The following VRK2 variants were observed in gnomAD, a reference collection of about 807,000 sequenced individuals.
The protein encoded by VRK2 is VRK serine/threonine kinase 2.
Under a neutral mutation model 57.6 loss-of-function variants are expected in VRK2, and 60 were observed. The ratio of observed to expected loss-of-function variants is 1.04; its 90% CI spans 0.85 to 1.29. VRK2 has a LOEUF of 1.29. Ranked by LOEUF, VRK2 falls within the 50% of genes most tolerant of loss-of-function variation. The pLI is 0.00. For missense variants in VRK2, 705 were observed against 588.1 expected, an observed-to-expected ratio of 1.20 and a Z score of -2.06; for synonymous variants, 231 against 199.2, an observed-to-expected ratio of 1.16 and a Z score of -1.35.
chr2:58,043,330 A>T (rs1674537987), upstream of VRK2, among the ~76,000 whole-genome samples: 1 of 152,188 alleles, frequency 6.6e-6, no homozygotes, highest in African/African-American at 2.4e-5. Context: ...GATTTTATTA[A>T]GGCATAATTT....
chr2:58,131,911 G>GCGCA lies in VRK2; in HGVS notation c.781_782insGCAC (p.Gln261ArgfsTer5), dbSNP rs764841881. On this transcript the variant is annotated frameshift_variant, in exon 9 of 13. Coordinates refer to ENST00000340157, the MANE Select transcript of VRK2 (RefSeq NM_006296.7). LOFTEE classifies it high-confidence loss of function. ...AGAACCTGAAGGACCCTGTGGCTGT[G>GCGCA]CAGACTGCTAAAACAAAGTACAAAT... is the stretch of plus-strand genomic sequence containing the variant. 15 of 1,614,094 alleles carry GCGCA rather than the reference G, an allele frequency of 9.3e-6. No individual in the cohort carries two copies. Among genetic ancestry groups the GCGCA allele is most frequent in the Non-Finnish European group, 1.3e-5 (15 of 1,179,972 alleles).
At chr2:58,140,554 G>A (rs1444674888) in intron 11 of VRK2, among the ~76,000 whole-genome samples, 1 of 151,886 alleles carries the variant, frequency 6.6e-6, no homozygotes, top group East Asian at 1.9e-4. Flanking sequence ...CAGTAAGATA[G>A]GGTCAGGATG....
chr2:58,041,848 T>A (rs1225253053), upstream of VRK2, among the ~76,000 whole-genome samples: 1 of 152,224 alleles, frequency 6.6e-6, no homozygotes, highest in Non-Finnish European at 1.5e-5. Flanking sequence ...TCCTTTCTGC[T>A]GATTCCAGGT....
intron 12 of VRK2, among the ~76,000 whole-genome samples, chr2:58,147,352 A>G (rs186987308): frequency 7.2e-4 from 109 of 152,058 alleles, no homozygotes; most frequent in Non-Finnish European, 1.2e-3. Context: ...TTCGAGTATA[A>G]AATAGTGGCA....
chr2:57,926,998 T>TGTGTGTGTGTG (rs540927767), intron 1 of VRK2, among the ~76,000 whole-genome samples: 72 of 142,840 alleles, frequency 5.0e-4, no homozygotes, highest in African/African-American at 1.6e-3. Flanking sequence ...TTTTAATTTC[T>TGTGTGTGTGTG]TGTGTGTGTG....
Position 58,108,223 on chromosome 2 carries a change from T to C in VRK2, c.544-14878T>C, listed in dbSNP as rs532231028. On this transcript the variant is annotated intron_variant, in intron 7 of 12. Coordinates refer to ENST00000340157, the MANE Select transcript of VRK2 (RefSeq NM_006296.7). ...GTTACACTGTTTTCAGAGTTGTCTT[T>C]GACTCTCTTTCTCTCAACCCTCTTA... 5.3e-5 allele frequency among the ~76,000 whole-genome samples: 8 copies of C among 152,292 alleles called. No homozygotes were observed. In the South Asian group the frequency reaches 1.7e-3, roughly 32 times the overall value.
At chr2:58,140,062 C>T (rs1681096100) in intron 11 of VRK2, among the ~76,000 whole-genome samples, 1 of 151,982 alleles carries the variant, frequency 6.6e-6, no homozygotes, top group Non-Finnish European at 1.5e-5. Context: ...AGAAAGCAGT[C>T]ACTACTGTCA....
intron 7 of VRK2, among the ~76,000 whole-genome samples, chr2:58,111,556 A>C (rs1226728364): frequency 1.3e-5 from 2 of 152,170 alleles, no homozygotes; most frequent in East Asian, 3.9e-4. Context: ...GTTCAAGACC[A>C]GCCCAGGCAA....
chr2:58,068,630 T>G (rs76011073), intron 2 of VRK2, among the ~76,000 whole-genome samples: 1 of 152,230 alleles, frequency 6.6e-6, no homozygotes, highest in Admixed American at 6.5e-5. Context: ...ACAAGCTTCC[T>G]TCTCTTCTGG....
At chr2:58,032,821 G>T (rs748910240) in intron 2 of VRK2, among the ~76,000 whole-genome samples, 3 of 152,064 alleles carry the variant, frequency 2.0e-5, no homozygotes, top group Admixed American at 1.3e-4. Context: ...GAGATTCTAT[G>T]CACCCCAGCC....
At chr2:58,086,296 T>G in intron 4 of VRK2, 43 bp from the exon 5 acceptor site, 1 of 1,531,810 alleles carries the variant, frequency 6.5e-7, no homozygotes, top group Non-Finnish European at 8.9e-7. Context: ...AAGTATCTTT[T>G]CAAATAACAT....
At chr2:57,948,937 A>G (rs542550855) in intron 1 of VRK2, among the ~76,000 whole-genome samples, 1 of 152,262 alleles carries the variant, frequency 6.6e-6, no homozygotes, top group East Asian at 1.9e-4. Flanking sequence ...AGTAGAAAGG[A>G]ACACTAAGGT....
intron 1 of VRK2, among the ~76,000 whole-genome samples, chr2:57,924,565 T>A (rs1280465507): frequency 1.3e-5 from 2 of 152,086 alleles, no homozygotes; most frequent in East Asian, 3.8e-4. Context: ...TATGTTGATC[T>A]TGTATTCTGA....
intron 7 of VRK2, among the ~76,000 whole-genome samples, chr2:58,118,033 G>A (rs1480413662): frequency 6.6e-6 from 1 of 152,134 alleles, no homozygotes; most frequent in Non-Finnish European, 1.5e-5. Context: ...GGGGGTTCTT[G>A]CCCCCTAGAA....
rs192688836 is a variant in VRK2, at chr2:58,118,246, C to T, written c.544-4855C>T. Among the ~76,000 whole-genome samples the T allele has an allele frequency of 5.4e-3, 817 of 152,182 alleles. 6 individuals carry two copies. Among genetic ancestry groups the T allele is most frequent in the African/African-American group, 0.018 (761 of 41,498 alleles). ...CCTTCCCCAGAAAAGCGGGACTTGC[C>T]GCTAAGGGTGAAGGACCAAGGCAGG... On this transcript the variant is annotated intron_variant, in intron 7 of 12. Coordinates refer to ENST00000340157, the MANE Select transcript of VRK2 (RefSeq NM_006296.7).
chr2:58,107,292 G>A (rs551273894), intron 7 of VRK2, among the ~76,000 whole-genome samples: 142 of 152,002 alleles, frequency 9.3e-4, no homozygotes, highest in Non-Finnish European at 1.7e-3. Context: ...TTTATTGATT[G>A]AAGACCTTTT....
intron 7 of VRK2, among the ~76,000 whole-genome samples, chr2:58,102,025 T>C (rs1384178779): frequency 2.0e-5 from 3 of 151,652 alleles, no homozygotes; most frequent in Non-Finnish European, 4.4e-5. Flanking sequence ...TAGCCAGGTA[T>C]AGTAACTAAG....
intron 2 of VRK2, among the ~76,000 whole-genome samples, chr2:58,074,428 C>G (rs984318775): frequency 7.2e-5 from 11 of 151,914 alleles, no homozygotes; most frequent in African/African-American, 2.4e-4. Context: ...ACTCCGTTTT[C>G]TCTCCTTTCT....
chr2:58,110,143 A>T (rs1675343510), intron 7 of VRK2, among the ~76,000 whole-genome samples: 1 of 152,124 alleles, frequency 6.6e-6, no homozygotes, highest in East Asian at 1.9e-4. Context: ...TAGTATATGA[A>T]ACTTGTGTTT....
Sources: allele counts gnomAD v4.1 joint callset (sites outside exome capture counted in the v4.1 genomes callset), GRCh38; gene constraint gnomAD v4.1.1; transcripts MANE v1.5; gene names NCBI Gene and HGNC (gene_info 2026-07-23, HGNC 2026-07-21).